Variants in PFKM observed in about 807,000 individuals in gnomAD.
PFKM encodes ATP-dependent 6-phosphofructokinase, muscle type.
A neutral mutation model predicts 95.5 loss-of-function variants in PFKM; 58 were observed. The observed-to-expected ratio is 0.61, with a 90% CI of 0.49 to 0.76. The LOEUF (loss-of-function observed/expected upper bound fraction) is 0.76, where lower values mean the gene tolerates loss of function less well. Ranked by LOEUF, PFKM falls within the 30% of genes least tolerant of loss-of-function variation. PFKM has a pLI of 0.00. For synonymous variants in PFKM, 336 were observed against 357.2 expected (o/e 0.94, Z 0.67); for missense variants, 678 against 1,005.4 (o/e 0.67, Z 4.40).
At chr12:48,133,514 G>C in intron 6 of PFKM, 34 bp downstream of exon 6, 1 of 1,596,432 alleles carries the variant, frequency 6.3e-7, no homozygotes, top group Admixed American at 1.7e-5. Context: ...AGTGTAAGAA[G>C]ATGGCAGCTA....
chr12:48,142,037 G>A lies in PFKM; in HGVS notation c.1624G>A (p.Ala542Thr). The A allele has an allele frequency of 6.2e-7, 1 of 1,614,128 alleles. No homozygotes were observed. Among genetic ancestry groups the A allele is most frequent in the Non-Finnish European group, 8.5e-7 (1 of 1,179,984 alleles). ...NVPGSDFSVG[A>T]DTALNTICTT... Reference sequence around the variant, plus strand: ...CCCTGGCTCAGACTTCAGCGTTGGGGCTGACACAGCACTCAATACTATCTG... The same window carrying A: ...CCCTGGCTCAGACTTCAGCGTTGGGACTGACACAGCACTCAATACTATCTG... Residue 542 changes from alanine to threonine, a missense_variant, in exon 17 of 23, where the codon GCT (alanine) becomes ACT (threonine). Ala to Thr is a moderately conservative substitution (Grantham distance 58). Coordinates refer to ENST00000359794, the MANE Select transcript of PFKM (RefSeq NM_000289.6).
At chr12:48,111,822 T>C (rs1947216427) in intron 3 of PFKM, among the ~76,000 whole-genome samples, 1 of 151,948 alleles carries the variant, frequency 6.6e-6, no homozygotes, top group South Asian at 2.1e-4. Flanking sequence ...CCAGGAACAA[T>C]GGTAATTGTG....
intron 2 of PFKM, among the ~76,000 whole-genome samples, chr12:48,126,859 T>C (rs1329725707): frequency 6.6e-6 from 1 of 152,238 alleles, no homozygotes; most frequent in Non-Finnish European, 1.5e-5. Flanking sequence ...TTATTCATCT[T>C]TCCTAAAGCA....
chr12:48,132,676 T>A (rs992517862), intron 4 of PFKM, 192 bp from the exon 5 acceptor site: 119 of 622,976 alleles, frequency 1.9e-4, no homozygotes, highest in Non-Finnish European at 3.2e-4. Flanking sequence ...TAGCAAAATA[T>A]GGGAATGACC....
intron 1 of PFKM, chr12:48,107,311 A>T: frequency 3.5e-6 from 4 of 1,141,398 alleles, no homozygotes; most frequent in Non-Finnish European, 5.2e-6. Context: ...TCAGTCACTG[A>T]CATCTTATTT....
At chr12:48,119,172 G>A, upstream of PFKM, 6 of 514,932 alleles carry the variant, frequency 1.2e-5, no homozygotes, top group Non-Finnish European at 1.5e-5. Flanking sequence ...GAACTAAGCC[G>A]CTGCCATATC....
Position 48,145,367 on chromosome 12 carries a change from C to G in PFKM, c.2198+52C>G, listed in dbSNP as rs1355414187. On this transcript the variant is annotated intron_variant, in intron 22 of 22. Coordinates refer to ENST00000359794, the MANE Select transcript of PFKM (RefSeq NM_000289.6). This position sits in a 1 kb window ranked among gnomAD's most constrained non-coding sequence, Gnocchi z 4.3. Reference sequence around the variant, plus strand: ...TTCTTTTCCCTGGTAGTTTCAAGCTCTACTGTCCTCAACCTGTTCACTGTC... The same window carrying G: ...TTCTTTTCCCTGGTAGTTTCAAGCTGTACTGTCCTCAACCTGTTCACTGTC... 3 of 1,453,082 alleles carry G rather than the reference C, an allele frequency of 2.1e-6. No homozygotes were observed. In the East Asian group the frequency reaches 6.8e-5, roughly 33 times the overall value. 90.0% of individuals were successfully genotyped at this position (1,453,082 alleles called of 1,614,324 possible). A position where few individuals can be genotyped will look rare whatever the true frequency, so the allele number is the denominator to read the frequency against.
chr12:48,139,306 A>G lies in PFKM; in HGVS notation c.1084A>G (p.Met362Val). ...TCAGACCAAAGATGTGACCAAGGCC[A>G]TGGATGAGAAGAAATTTGACGAAGC... ...VQVTKDVTKA[M>V]DEKKFDEALK... Residue 362 changes from methionine to valine, a missense_variant, in exon 12 of 23, where the codon ATG becomes GTG. By Grantham distance (21) the Met-to-Val change is conservative. Transcript: ENST00000359794. 1.2e-6 allele frequency: 2 copies of G among 1,613,876 alleles called. No individual in the cohort carries two copies. The highest frequency in any genetic ancestry group is 1.7e-6 in the Non-Finnish European group (2 of 1,179,848).
chr12:48,127,186 A>G (rs4760685), intron 2 of PFKM, among the ~76,000 whole-genome samples: 73,058 of 152,012 alleles, frequency 0.48, 18,374 homozygotes, highest in African/African-American at 0.63. Flanking sequence ...ACATTGCTAA[A>G]TCCTGGTTCT....
At chr12:48,138,493 TTCTC>T (rs1198996056) in intron 11 of PFKM, among the ~76,000 whole-genome samples, 1 of 152,148 alleles carries the variant, frequency 6.6e-6, no homozygotes, top group Non-Finnish European at 1.5e-5. Context: ...CCCGGCCTCC[TTCTC>T]TCTGAGACTC....
At chr12:48,128,229 T>C (rs1949051614) in intron 2 of PFKM, among the ~76,000 whole-genome samples, 1 of 152,044 alleles carries the variant, frequency 6.6e-6, no homozygotes, top group Non-Finnish European at 1.5e-5. Flanking sequence ...CAGGCTTAGA[T>C]ACTCTTTGTC....
At chr12:48,132,004 T>G (rs1565883006) in intron 4 of PFKM, 2 of 455,792 alleles carry the variant, frequency 4.4e-6, no homozygotes, top group Non-Finnish European at 8.8e-6. Context: ...TACATTTGTA[T>G]CCCCCTTTTT....
intron 17 of PFKM, 133 bp downstream of exon 17, chr12:48,142,199 A>G (rs1950633752): frequency 3.1e-6 from 3 of 961,944 alleles, no homozygotes; most frequent in Admixed American, 1.9e-5. Context: ...TCAGCTGGGC[A>G]TGGTGGCTCA....
intron 3 of PFKM, among the ~76,000 whole-genome samples, chr12:48,109,129 A>G (rs1946964320): frequency 6.6e-6 from 1 of 152,254 alleles, no homozygotes; most frequent in Non-Finnish European, 1.5e-5. Flanking sequence ...GACGGGAGAT[A>G]ATATGGAACA....
intron 20 of PFKM, among the ~76,000 whole-genome samples, chr12:48,144,579 C>T (rs1442855022): frequency 6.6e-6 from 1 of 152,210 alleles, no homozygotes; most frequent in Non-Finnish European, 1.5e-5. Context: ...TTCCCACCTG[C>T]TTCCTCTTAA....
chr12:48,123,329 C>T (rs550471363), intron 2 of PFKM, among the ~76,000 whole-genome samples: 2 of 152,136 alleles, frequency 1.3e-5, no homozygotes, highest in Non-Finnish European at 2.9e-5. Flanking sequence ...TCGGTTTTCT[C>T]TGGCCTTTCC....
chr12:48,107,066 T>C (rs1946716038), intron 1 of PFKM, among the ~76,000 whole-genome samples: 1 of 152,128 alleles, frequency 6.6e-6, no homozygotes, highest in Non-Finnish European at 1.5e-5. Context: ...GCCCCCTTAA[T>C]AGGTCCTTTA....
intron 2 of PFKM, among the ~76,000 whole-genome samples, chr12:48,126,814 A>G (rs939627840): frequency 1.3e-5 from 2 of 152,204 alleles, no homozygotes; most frequent in African/African-American, 4.8e-5. Flanking sequence ...AACAAACTTT[A>G]GTTTCATATC....
intron 3 of PFKM, among the ~76,000 whole-genome samples, chr12:48,109,840 C>T (rs1398140200): frequency 6.6e-6 from 1 of 152,138 alleles, no homozygotes; most frequent in Non-Finnish European, 1.5e-5. Context: ...CTTTCCTCTT[C>T]CCTTCCTCCT....
Sources: gnomAD v4.1 joint callset for allele counts (sites outside exome capture counted in the v4.1 genomes callset) on GRCh38, gnomAD v4.1.1 for gene constraint, Gnocchi (gnomAD v3.1) non-coding constraint, MANE v1.5 for transcripts, NCBI Gene and HGNC (gene_info 2026-07-23, HGNC 2026-07-21) for gene names.